XYLB: variants seen among roughly 807,000 people sequenced by gnomAD.
XYLB encodes the protein xylulokinase, also known as xylulose kinase.
XYLB carries 62 observed loss-of-function variants against 78.7 expected under a neutral mutation model. The observed-to-expected ratio is 0.79, with a 90% CI of 0.64 to 0.97. The LOEUF is 0.97. Ranked by LOEUF, XYLB falls within the 50% of genes least tolerant of loss-of-function variation. The pLI is 0.00. For missense variants in XYLB, 687 were observed against 676.8 expected (o/e 1.02, Z -0.17); for synonymous variants, 245 against 247.4 (o/e 0.99, Z 0.09).
At chr3:38,416,827 A>G (rs1298666073), downstream of XYLB, among the ~76,000 whole-genome samples, 1 of 152,350 alleles carries the variant, frequency 6.6e-6, no homozygotes, top group African/African-American at 2.4e-5. Flanking sequence ...TTTAAGTGAT[A>G]TTCTTTGGCT....
At chr3:38,373,381 T>C (rs1199726495) in intron 10 of XYLB, among the ~76,000 whole-genome samples, 1 of 152,256 alleles carries the variant, frequency 6.6e-6, no homozygotes, top group Non-Finnish European at 1.5e-5. Flanking sequence ...TAGGGTTACA[T>C]TTAACAGTAA....
chr3:38,448,577 T>C, the XYLB span, among the ~76,000 whole-genome samples: 2 of 152,232 alleles, frequency 1.3e-5, no homozygotes, highest in South Asian at 4.1e-4. Flanking sequence ...CTTCTTCCTA[T>C]GCTTAGTAAT....
intron 15 of XYLB, among the ~76,000 whole-genome samples, chr3:38,391,818 C>T (rs2125637867): frequency 6.6e-6 from 1 of 152,326 alleles, no homozygotes; most frequent in East Asian, 1.9e-4. Flanking sequence ...AAACATTCTA[C>T]AATATACGGG....
chr3:38,382,973 T>C (rs1203828525), intron 15 of XYLB, among the ~76,000 whole-genome samples: 2 of 152,236 alleles, frequency 1.3e-5, no homozygotes, highest in African/African-American at 4.8e-5. Context: ...TTCTCCAGGC[T>C]GCTGTGTGGA....
chr3:38,382,536 C>T (rs1431702097), intron 15 of XYLB, among the ~76,000 whole-genome samples: 2 of 152,082 alleles, frequency 1.3e-5, no homozygotes, highest in Non-Finnish European at 2.9e-5. Context: ...GTAAAATGAC[C>T]ACCATGAGCA....
At chr3:38,423,253 T>C (rs1453809016), downstream of XYLB, among the ~76,000 whole-genome samples, 1 of 152,152 alleles carries the variant, frequency 6.6e-6, no homozygotes, top group Non-Finnish European at 1.5e-5. Flanking sequence ...TTTGTATTTT[T>C]AGTGGAGACG....
chr3:38,439,495 G>A, the XYLB span, among the ~76,000 whole-genome samples: 1 of 152,224 alleles, frequency 6.6e-6, no homozygotes, highest in Non-Finnish European at 1.5e-5. Flanking sequence ...AGACGCAGTG[G>A]CTCACGCCTG....
chr3:38,395,451 T>C, intron 15 of XYLB, 54 bp from the exon 16 acceptor site: 2 of 1,584,048 alleles, frequency 1.3e-6, no homozygotes, highest in Non-Finnish European at 8.7e-7. Flanking sequence ...AAACAGCCCT[T>C]TCTGCCTTGG....
chr3:38,427,148 T>C, the XYLB span, among the ~76,000 whole-genome samples: 1 of 152,244 alleles, frequency 6.6e-6, no homozygotes, highest in Non-Finnish European at 1.5e-5. Context: ...CTCTCAGCTC[T>C]GAAGGCTGTC....
At chr3:38,405,193 T>C (rs971293574) in intron 18 of XYLB, among the ~76,000 whole-genome samples, 5 of 152,136 alleles carry the variant, frequency 3.3e-5, no homozygotes, top group Non-Finnish European at 5.9e-5. Context: ...AAATAAATAT[T>C]TCATTCTTAA....
At chr3:38,364,304 G>A (rs1297296860) in intron 4 of XYLB, among the ~76,000 whole-genome samples, 4 of 151,754 alleles carry the variant, frequency 2.6e-5, no homozygotes, top group Middle Eastern at 3.4e-3. Context: ...CTTCTCCAGC[G>A]CTATCTGCTT....
chr3:38,431,812 G>A, the XYLB span, among the ~76,000 whole-genome samples: 2 of 152,174 alleles, frequency 1.3e-5, no homozygotes, highest in South Asian at 2.1e-4. Context: ...TCAGCACTGA[G>A]TGAAGGGGAA....
intron 18 of XYLB, among the ~76,000 whole-genome samples, chr3:38,406,562 G>C (rs546597892): frequency 6.6e-6 from 1 of 152,102 alleles, no homozygotes; most frequent in South Asian, 2.1e-4. Flanking sequence ...TTGAGAGAAG[G>C]CTTCAGATGA....
At chr3:38,436,791 G>A in the XYLB span, among the ~76,000 whole-genome samples, 1 of 152,026 alleles carries the variant, frequency 6.6e-6, no homozygotes, top group Non-Finnish European at 1.5e-5. Context: ...ATCACCTGAG[G>A]TCAGGAGTTC....
At chr3:38,383,554 A>G (rs563369387) in intron 15 of XYLB, among the ~76,000 whole-genome samples, 1 of 152,274 alleles carries the variant, frequency 6.6e-6, no homozygotes, top group African/African-American at 2.4e-5. Context: ...TGGAGGCGGG[A>G]GGATCACTTG....
At chr3:38,420,841 T>A (rs1708954141), downstream of XYLB, among the ~76,000 whole-genome samples, 1 of 152,128 alleles carries the variant, frequency 6.6e-6, no homozygotes, top group South Asian at 2.1e-4. Flanking sequence ...CAATGGGACA[T>A]GCTCATGATG....
the XYLB span, among the ~76,000 whole-genome samples, chr3:38,437,853 C>T: frequency 6.6e-6 from 1 of 152,068 alleles, no homozygotes; most frequent in Non-Finnish European, 1.5e-5. Context: ...AGGTGGATCA[C>T]GAGGTCAGGA....
In XYLB at chr3:38,360,427, A is replaced by G. The variant is rs818849; in HGVS notation, c.210+19A>G. On this transcript the variant is annotated intron_variant, in intron 3 of 18. Coordinates refer to ENST00000207870, the MANE Select transcript of XYLB (RefSeq NM_005108.4). The stretch of plus-strand genomic sequence containing the variant: ...GGTCCAGGTAAGCGCAGGGATTCCT[A>G]TTCTCCTTCTATCCCCAGGCTGTCT... 1,466,964 of 1,562,834 alleles carry G rather than the reference A, an allele frequency of 0.94. 690,185 individuals carry two copies. The highest frequency in any genetic ancestry group is 1 in the East Asian group (43,046 of 43,058).
chr3:38,355,832 C>G (rs536104609), intron 2 of XYLB: 2 of 703,014 alleles, frequency 2.8e-6, no homozygotes, highest in Non-Finnish European at 5.2e-6. Context: ...CCACTCCCCA[C>G]TCATGTTCCT....
Sources: allele counts gnomAD v4.1 joint callset (sites outside exome capture counted in the v4.1 genomes callset), GRCh38; gene constraint gnomAD v4.1.1; transcripts MANE v1.5; gene names NCBI Gene and HGNC (gene_info 2026-07-23, HGNC 2026-07-21).